The following GLCE variants were observed in gnomAD, a reference collection of about 807,000 sequenced individuals.
The protein encoded by GLCE is glucuronic acid epimerase, also known as D-glucuronyl C5-epimerase.
Under a neutral mutation model 47.9 loss-of-function variants are expected in GLCE, and 19 were observed. The observed-to-expected ratio is 0.40, with a 90% confidence interval of 0.28 to 0.58. The LOEUF is 0.58. Ranked by LOEUF, GLCE falls within the 20% of genes least tolerant of loss-of-function variation. The pLI is 0.48. For missense variants in GLCE, 556 were observed against 743.3 expected (o/e 0.75, Z 2.93); for synonymous variants, 245 against 263.4 (o/e 0.93, Z 0.68).
chr15:69,187,325 A>T (rs1200664806), intron 1 of GLCE, among the ~76,000 whole-genome samples: 1 of 152,186 alleles, frequency 6.6e-6, no homozygotes, highest in African/African-American at 2.4e-5. Context: ...AATATATATA[A>T]GCCTTGAAAG....
At chr15:69,222,250 A>T (rs534834420) in intron 2 of GLCE, among the ~76,000 whole-genome samples, 1 of 152,178 alleles carries the variant, frequency 6.6e-6, no homozygotes, top group African/African-American at 2.4e-5. Context: ...GTATGGCAGC[A>T]CGGGTCCATG....
chr15:69,182,180 GGTATAATT>G (rs1206752810), intron 1 of GLCE, among the ~76,000 whole-genome samples: 1 of 151,894 alleles, frequency 6.6e-6, no homozygotes, highest in African/African-American at 2.4e-5. Flanking sequence ...AGGAAAATAA[GGTATAATT>G]GTCAGTCAGC....
chr15:69,223,206 T>C (rs1382108468), intron 2 of GLCE, among the ~76,000 whole-genome samples: 1 of 152,228 alleles, frequency 6.6e-6, no homozygotes, highest in Non-Finnish European at 1.5e-5. Flanking sequence ...TTTTACCTTA[T>C]AGGTTTCCAT....
At position 69,215,313 on chromosome 15, in the gene GLCE, T is replaced by C. The variant is rs114939135; in HGVS notation, c.-14+4907T>C. Reference sequence around the variant, plus strand: ...AGCCTTTTCCAGAGTATCATATACATGGAATCATATAATATGTAGCCTCTT... The same window carrying C: ...AGCCTTTTCCAGAGTATCATATACACGGAATCATATAATATGTAGCCTCTT... On this transcript the variant is annotated intron_variant, in intron 2 of 4. Coordinates refer to ENST00000261858, the MANE Select transcript of GLCE (RefSeq NM_015554.3). 8.1e-3 allele frequency among the ~76,000 whole-genome samples: 1,239 copies of C among 152,306 alleles called. 17 individuals carry two copies. Among genetic ancestry groups the C allele is most frequent in the African/African-American group, 0.029 (1,197 of 41,566 alleles).
chr15:69,244,938 A>G (rs1231720473), intron 2 of GLCE, among the ~76,000 whole-genome samples: 1 of 152,252 alleles, frequency 6.6e-6, no homozygotes, highest in African/African-American at 2.4e-5. Flanking sequence ...TATCACAATA[A>G]AGTGACTCAC....
chr15:69,162,423 G>A (rs1433560610), intron 1 of GLCE, among the ~76,000 whole-genome samples: 1 of 152,190 alleles, frequency 6.6e-6, no homozygotes, highest in African/African-American at 2.4e-5. Flanking sequence ...AATGTGGCAG[G>A]CAGTGAAGTC....
At chr15:69,231,310 G>C (rs2052517591) in intron 2 of GLCE, among the ~76,000 whole-genome samples, 1 of 148,272 alleles carries the variant, frequency 6.7e-6, no homozygotes, top group African/African-American at 2.5e-5. Context: ...TTGAGATGGA[G>C]TCTCGCTCTG....
intron 2 of GLCE, among the ~76,000 whole-genome samples, chr15:69,213,502 C>T (rs2052261802): frequency 6.6e-6 from 1 of 152,084 alleles, no homozygotes; most frequent in African/African-American, 2.4e-5. Context: ...CAGAATACCA[C>T]GGAGGTGATG....
intron 1 of GLCE, among the ~76,000 whole-genome samples, chr15:69,192,876 G>T (rs1249297062): frequency 1.3e-5 from 2 of 151,932 alleles, no homozygotes; most frequent in Non-Finnish European, 1.5e-5. Context: ...AACAATTCCT[G>T]GCCTTTTGTG....
At position 69,249,709 on chromosome 15, in the gene GLCE, C is replaced by T. The variant is rs139507388; in HGVS notation, c.-13-6085C>T. On this transcript the variant is annotated intron_variant, in intron 2 of 4. Coordinates refer to ENST00000261858, the MANE Select transcript of GLCE (RefSeq NM_015554.3). ...AAGGTTGTTCTTTACTGAAATACAA[C>T]CTTCATATTTTGAAAGCTCATGATG... Among the ~76,000 whole-genome samples the T allele has an allele frequency of 3.0e-3, 453 of 152,180 alleles. 1 individual carries two copies. The highest frequency in any genetic ancestry group is 3.7e-3 in the Non-Finnish European group (254 of 67,996).
intron 2 of GLCE, among the ~76,000 whole-genome samples, chr15:69,255,186 C>G (rs2052903884): frequency 6.6e-6 from 1 of 152,136 alleles, no homozygotes; most frequent in African/African-American, 2.4e-5. Context: ...TTTCAGACAG[C>G]TACTAAGGTG....
chr15:69,244,275 T>A (rs1249763533), intron 2 of GLCE, among the ~76,000 whole-genome samples: 1 of 152,192 alleles, frequency 6.6e-6, no homozygotes, highest in African/African-American at 2.4e-5. Context: ...TGACTCTCAT[T>A]TCTGTCCCTT....
chr15:69,185,333 T>TA (rs1404871145), intron 1 of GLCE, among the ~76,000 whole-genome samples: 1 of 152,210 alleles, frequency 6.6e-6, no homozygotes, highest in African/African-American at 2.4e-5. Flanking sequence ...CAATAGTTTT[T>TA]AACCTCTTTC....
chr15:69,165,505 C>CT (rs1172987241), intron 1 of GLCE, among the ~76,000 whole-genome samples: 6,786 of 84,534 alleles, frequency 0.08, 394 homozygotes, highest in East Asian at 0.21. Context: ...GCACTGTCTG[C>CT]TTTTTTTTTT....
chr15:69,227,458 A>G (rs1461953508), intron 2 of GLCE, among the ~76,000 whole-genome samples: 1 of 152,214 alleles, frequency 6.6e-6, no homozygotes, highest in Non-Finnish European at 1.5e-5. Context: ...GCACAAAAAC[A>G]CAGTATTTGT....
At chr15:69,236,102 G>C (rs1052502937) in intron 2 of GLCE, among the ~76,000 whole-genome samples, 2 of 152,210 alleles carry the variant, frequency 1.3e-5, no homozygotes, top group Admixed American at 1.3e-4. Context: ...TGTTGTGGCA[G>C]GTTATCAGTA....
intron 1 of GLCE, among the ~76,000 whole-genome samples, chr15:69,193,578 T>G (rs1419875370): frequency 1.3e-5 from 2 of 152,080 alleles, no homozygotes; most frequent in Non-Finnish European, 2.9e-5. Flanking sequence ...TTCAAATTTT[T>G]GTATTCACAA....
intron 1 of GLCE, among the ~76,000 whole-genome samples, chr15:69,206,984 G>A (rs1004549984): frequency 1.3e-5 from 2 of 151,982 alleles, no homozygotes; most frequent in African/African-American, 4.8e-5. Context: ...TCATACTGAT[G>A]TCTGTGACTA....
intron 1 of GLCE, among the ~76,000 whole-genome samples, chr15:69,183,851 T>C (rs1276833690): frequency 1.3e-5 from 2 of 151,910 alleles, no homozygotes; most frequent in Non-Finnish European, 2.9e-5. Flanking sequence ...GTATGAGGAG[T>C]TGGGAGGGAA....
Sources: gnomAD v4.1 joint callset for allele counts (sites outside exome capture counted in the v4.1 genomes callset) on GRCh38, gnomAD v4.1.1 for gene constraint, MANE v1.5 for transcripts, NCBI Gene and HGNC (gene_info 2026-07-23, HGNC 2026-07-21) for gene names.